DHX15: variants seen among roughly 807,000 people sequenced by gnomAD.
DHX15 encodes DEAH-box helicase 15.
Under a neutral mutation model 94.4 loss-of-function variants are expected in DHX15, and 11 were observed. The ratio of observed to expected loss-of-function variants is 0.12; its 90% CI spans 0.07 to 0.19. The LOEUF (loss-of-function observed/expected upper bound fraction) is 0.19. DHX15 is among the 10% of genes least tolerant of loss of function. DHX15 has a pLI of 1.00. For missense variants in DHX15, 304 were observed against 988.5 expected, an observed-to-expected ratio of 0.31 and a Z score of 9.29; for synonymous variants, 338 against 329.9, an observed-to-expected ratio of 1.02 and a Z score of -0.27.
At chr4:24,529,878 AT>A (rs757594176) in intron 12 of DHX15, 108 bp from the exon 13 acceptor site, 15 of 1,112,480 alleles carry the variant, frequency 1.3e-5, no homozygotes, top group Non-Finnish European at 2.0e-5. Flanking sequence ...TTTTCATTCT[AT>A]GGCTATACTT....
At chr4:24,542,844 AAAT>A in intron 7 of DHX15, 93 bp downstream of exon 7, 1 of 915,030 alleles carries the variant, frequency 1.1e-6, no homozygotes, top group Non-Finnish European at 1.7e-6. Flanking sequence ...AAAGATAGGA[AAAT>A]AATTCTGAAA....
chr4:24,557,943 C>CT (rs984753472), intron 3 of DHX15, among the ~76,000 whole-genome samples: 2 of 148,442 alleles, frequency 1.3e-5, no homozygotes, highest in African/African-American at 5.0e-5. Context: ...AGTTACCTCT[C>CT]TTAGCTTCAA....
At chr4:24,571,169 G>A (rs547941886) in intron 2 of DHX15, among the ~76,000 whole-genome samples, 11 of 152,228 alleles carry the variant, frequency 7.2e-5, no homozygotes, top group South Asian at 2.1e-4. Flanking sequence ...TATAACAAAC[G>A]TTTCTAAGAA....
At chr4:24,552,884 TG>T (rs1721638264) in intron 5 of DHX15, among the ~76,000 whole-genome samples, 1 of 152,190 alleles carries the variant, frequency 6.6e-6, no homozygotes, top group Non-Finnish European at 1.5e-5. Flanking sequence ...TCCCCAGCTG[TG>T]GGATTCACAG....
chr4:24,558,269 T>C (rs1223144266), intron 3 of DHX15, among the ~76,000 whole-genome samples: 3 of 152,146 alleles, frequency 2.0e-5, no homozygotes, highest in Admixed American at 6.5e-5. Context: ...CCTCAGTAGA[T>C]TGTGAGACAC....
chr4:24,550,381 A>G (rs1250436244), intron 5 of DHX15, among the ~76,000 whole-genome samples: 1 of 152,198 alleles, frequency 6.6e-6, no homozygotes, highest in Non-Finnish European at 1.5e-5. Flanking sequence ...ATAAACTTCT[A>G]AATTTTAACT....
intron 12 of DHX15, 104 bp downstream of exon 12, chr4:24,532,760 G>A: frequency 1.2e-6 from 1 of 807,246 alleles, no homozygotes. Flanking sequence ...ATTTTTATGA[G>A]CATGCACAAA....
chr4:24,556,440 G>T lies in DHX15; in HGVS notation c.702-30C>A, dbSNP rs1721739500. ...ATTCCAAAGAACATGTTGGTTAAAG[G>T]TTCCGTTAGGTCATTTTAAAACCAA... On this transcript the variant is annotated intron_variant, in intron 3 of 13. Transcript: ENST00000336812. 8 of 1,552,798 alleles carry T rather than the reference G, an allele frequency of 5.2e-6. No individual in the cohort carries two copies. In the African/African-American group the frequency reaches 9.5e-5, roughly 19 times the overall value.
intron 2 of DHX15, among the ~76,000 whole-genome samples, chr4:24,574,219 A>AAAAAAAAAAAAAAAAAAAAAAAAAAAT: frequency 1.3e-5 from 2 of 150,760 alleles, no homozygotes; most frequent in Non-Finnish European, 3.0e-5. Flanking sequence ...AAAAAAAAAA[A>AAAAAAAAAAAAAAAAAAAAAAAAAAAT]AAAAAAAAAG....
chr4:24,541,066 C>T, intron 8 of DHX15, 118 bp from the exon 9 acceptor site: 1 of 571,080 alleles, frequency 1.8e-6, no homozygotes, highest in East Asian at 3.0e-5. Context: ...TCTACACTGT[C>T]TCAGTAGAGA....
intron 4 of DHX15, among the ~76,000 whole-genome samples, chr4:24,555,364 A>C (rs962842505): frequency 6.6e-6 from 1 of 152,040 alleles, no homozygotes; most frequent in African/African-American, 2.4e-5. Flanking sequence ...AAAGTTTCAT[A>C]AGAGTTCTTA....
chr4:24,547,861 GTCTCTCTC>G (rs36229958), intron 6 of DHX15, among the ~76,000 whole-genome samples: 2,581 of 126,430 alleles, frequency 0.02, 113 homozygotes, highest in Admixed American at 0.096. Context: ...AGACATATAT[GTCTCTCTC>G]TCTCTCTCTC....
At position 24,527,688 on chromosome 4, in the gene DHX15, C is replaced by A; in HGVS notation, c.*236G>T. 2.3e-6 allele frequency: 1 copy of A among 433,324 alleles called. No homozygotes were observed. Among genetic ancestry groups the A allele is most frequent in the Admixed American group, 3.7e-5 (1 of 27,344 alleles). 26.8% of individuals were successfully genotyped at this position (433,324 alleles called of 1,614,324 possible). On this transcript the variant is annotated 3_prime_UTR_variant, in exon 14 of 14. Transcript: ENST00000336812. ...ACATTGTTATATATAGAACTACTTT[C>A]AATAAACTGCAAAACATTGATCGAC...
Position 24,537,278 on chromosome 4 carries a change from G to T in DHX15, c.1787-105C>A. Reference sequence around the variant, plus strand: ...GCTAGGTCAGTTCACAGAGCATAGGGCAGGGCAGGATGGCCTCCAACTGCA... The same window carrying T: ...GCTAGGTCAGTTCACAGAGCATAGGTCAGGGCAGGATGGCCTCCAACTGCA... On this transcript the variant is annotated intron_variant, in intron 10 of 13. Transcript: ENST00000336812. The surrounding 1 kb of genome is among the most constrained non-coding windows in gnomAD (Gnocchi z 4.7). The T allele has an allele frequency of 6.7e-7, 1 of 1,491,742 alleles. No homozygotes were observed. The highest frequency in any genetic ancestry group is 9.1e-7 in the Non-Finnish European group (1 of 1,104,094). The allele number at this position is 1,491,742 out of a possible 1,614,324, so 92.4% of individuals were successfully genotyped here.
chr4:24,580,240 T>C (rs955637272), intron 1 of DHX15, among the ~76,000 whole-genome samples: 1 of 152,064 alleles, frequency 6.6e-6, no homozygotes, highest in Non-Finnish European at 1.5e-5. Context: ...AGACCCCATC[T>C]CTACAAAAAA....
rs1046879478 is a variant in DHX15 at position 24,537,501 on chromosome 4, T to C, written c.1787-328A>G. ...AAACCAGTGCTGATAGCTCTACCAA[T>C]AACCAGAATAACGGTGTCAATTGCC... On this transcript the variant is annotated intron_variant, in intron 10 of 13. Coordinates refer to ENST00000336812, the MANE Select transcript of DHX15 (RefSeq NM_001358.3). The surrounding 1 kb of genome is among the most constrained non-coding windows in gnomAD (Gnocchi z 4.7). 1 of 183,230 alleles carries C rather than the reference T, an allele frequency of 5.5e-6. No homozygotes were observed. The highest frequency in any genetic ancestry group is 1.1e-5 in the Non-Finnish European group (1 of 87,962). 11.4% of individuals were successfully genotyped at this position (183,230 alleles called of 1,614,324 possible). A position where few individuals can be genotyped will look rare whatever the true frequency, so the allele number is the denominator to read the frequency against.
intron 2 of DHX15, 107 bp from the exon 3 acceptor site, chr4:24,570,954 T>G: frequency 8.9e-7 from 1 of 1,119,044 alleles, no homozygotes; most frequent in Non-Finnish European, 1.3e-6. Context: ...CAAATCCAAT[T>G]AGGCAAATGA....
intron 6 of DHX15, among the ~76,000 whole-genome samples, chr4:24,547,536 G>A (rs1026743960): frequency 6.6e-6 from 1 of 152,262 alleles, no homozygotes; most frequent in East Asian, 1.9e-4. Context: ...ACAAAAGGAT[G>A]CACAAACAGG....
At chr4:24,541,739 A>T (rs1470236301) in intron 8 of DHX15, 134 bp downstream of exon 8, 1 of 898,262 alleles carries the variant, frequency 1.1e-6, no homozygotes, top group African/African-American at 1.7e-5. Context: ...TACACCATAC[A>T]TTTCACTCCT....
Sources: allele counts gnomAD v4.1 joint callset (sites outside exome capture counted in the v4.1 genomes callset), GRCh38; gene constraint gnomAD v4.1.1; non-coding constraint Gnocchi (gnomAD v3.1); transcripts MANE v1.5; gene names NCBI Gene and HGNC (gene_info 2026-07-23, HGNC 2026-07-21).